Variants in SNAPC3 observed in about 807,000 individuals in gnomAD.
SNAPC3 encodes the protein snRNA-activating protein complex subunit 3.
SNAPC3 carries 56 observed loss-of-function variants against 47.7 expected under a neutral mutation model. That is an observed-to-expected ratio of 1.18 (90% CI 0.95 to 1.47). The LOEUF (loss-of-function observed/expected upper bound fraction) is 1.47, where lower values mean the gene tolerates loss of function less well. Ranked by LOEUF, SNAPC3 falls within the 40% of genes most tolerant of loss-of-function variation. The probability of loss-of-function intolerance (pLI) is 0.00; values close to 1 mark genes in which losing one functional copy is unlikely to be tolerated. For synonymous variants in SNAPC3, 235 were observed against 189.9 expected (o/e 1.24, Z -1.95); for missense variants, 665 against 511.3 (o/e 1.30, Z -2.90).
At chr9:15,426,992 C>T (rs912856546) in intron 2 of SNAPC3, among the ~76,000 whole-genome samples, 2 of 152,158 alleles carry the variant, frequency 1.3e-5, no homozygotes, top group African/African-American at 4.8e-5. Flanking sequence ...CTGAACCTTC[C>T]TTTTCCTCAC....
intron 6 of SNAPC3, 50 bp downstream of exon 6, chr9:15,451,452 AAGT>A (rs2034380878): frequency 1.2e-6 from 1 of 837,108 alleles, no homozygotes; most frequent in African/African-American, 1.7e-5. Flanking sequence ...CTAGTTATCA[AAGT>A]AGTGTTATCT....
intron 5 of SNAPC3, among the ~76,000 whole-genome samples, chr9:15,450,027 G>A (rs2034275124): frequency 6.6e-6 from 1 of 151,876 alleles, no homozygotes; most frequent in Non-Finnish European, 1.5e-5. Flanking sequence ...ACTTCATTTT[G>A]TTTCCAAAAT....
rs776825666 is a variant in SNAPC3 at position 15,459,753 on chromosome 9, G to A, written c.1123G>A (p.Asp375Asn). The stretch of plus-strand genomic sequence containing the variant: ...GAACAATGACAGTTTTGCACCAGAG[G>A]ACCCATGCTTCTTTTGTGATGTTTG... ...VTNNDSFAPE[D>N]PCFFCDVCFR... Residue 375 changes from aspartate to asparagine, a missense_variant, in exon 9 of 9, where the codon GAC (aspartate) becomes AAC (asparagine). Physicochemically the swap from Asp to Asn is conservative, Grantham distance 23. Transcript: ENST00000380821. 8.1e-6 allele frequency: 13 copies of A among 1,613,412 alleles called. No homozygotes were observed. The highest frequency in any genetic ancestry group is 1.7e-4 in the Middle Eastern group (1 of 6,058).
chr9:15,428,152 A>T (rs1244205757), intron 2 of SNAPC3, among the ~76,000 whole-genome samples: 1 of 150,172 alleles, frequency 6.7e-6, no homozygotes, highest in East Asian at 2.0e-4. Context: ...CAGCTCTCAT[A>T]TATCTGAAGT....
chr9:15,466,478 A>G (rs1301018842), downstream of SNAPC3, among the ~76,000 whole-genome samples: 2 of 152,262 alleles, frequency 1.3e-5, no homozygotes, highest in African/African-American at 2.4e-5. Context: ...CATTACTAAC[A>G]GTATCTCAGT....
At chr9:15,439,821 A>G (rs2033164490) in intron 3 of SNAPC3, among the ~76,000 whole-genome samples, 1 of 152,250 alleles carries the variant, frequency 6.6e-6, no homozygotes, top group Non-Finnish European at 1.5e-5. Context: ...GGTGTGAGCC[A>G]CTGTGCCCAG....
intron 4 of SNAPC3, among the ~76,000 whole-genome samples, chr9:15,445,519 T>A (rs1157688175): frequency 2.0e-5 from 3 of 152,224 alleles, no homozygotes; most frequent in Non-Finnish European, 4.4e-5. Flanking sequence ...TATTCTTGAT[T>A]CCTTAAATAG....
chr9:15,466,675 C>T (rs2035647025), downstream of SNAPC3: 2 of 1,187,704 alleles, frequency 1.7e-6, no homozygotes, highest in Admixed American at 2.5e-5. Context: ...AGTAAGATAA[C>T]CTTGGAACAG....
At chr9:15,462,146 A>G (rs1233023817), downstream of SNAPC3, 1 of 152,252 alleles carries the variant, frequency 6.6e-6, no homozygotes, top group African/African-American at 2.4e-5. Context: ...ATAATGCATT[A>G]TTCCATGTGT....
chr9:15,465,519 C>A (rs776179531), downstream of SNAPC3: 1 of 1,553,058 alleles, frequency 6.4e-7, no homozygotes, highest in Non-Finnish European at 8.8e-7. Flanking sequence ...GGTATGTCAA[C>A]CTAGTTATCT....
Position 15,423,108 on chromosome 9 carries a change from G to A in SNAPC3, c.229G>A (p.Ala77Thr), listed in dbSNP as rs1225602992. 1 of 1,551,584 alleles carries A rather than the reference G, an allele frequency of 6.4e-7. No individual in the cohort carries two copies. The highest frequency in any genetic ancestry group is 1.2e-5 in the South Asian group (1 of 83,444). ...PASALPGSQA[A>T]DSDREDAAVA... is the part of the protein sequence containing the mutation. The stretch of plus-strand genomic sequence containing the variant: ...ATCCGCTCTGCCTGGGAGCCAGGCA[G>A]CTGACTCCGACCGGGAGGATGCCGC... Residue 77 changes from alanine to threonine, a missense_variant, in exon 1 of 9, where the codon GCT becomes ACT. Coordinates refer to ENST00000380821, the MANE Select transcript of SNAPC3 (RefSeq NM_001039697.2).
At chr9:15,433,448 A>AAT (rs2032415291) in intron 2 of SNAPC3, 104 bp from the exon 3 acceptor site, 2 of 761,200 alleles carry the variant, frequency 2.6e-6, no homozygotes, top group African/African-American at 3.5e-5. Context: ...TTTGCTACTT[A>AAT]AAATTAGTTC....
chr9:15,447,392 C>T (rs1388058744), intron 5 of SNAPC3, 148 bp downstream of exon 5: 3 of 711,756 alleles, frequency 4.2e-6, no homozygotes, highest in Admixed American at 5.0e-5. Context: ...TTCCCTTTAT[C>T]ACCGGAACTT....
chr9:15,422,886 G>A lies in SNAPC3; in HGVS notation c.7G>A (p.Glu3Lys). The stretch of plus-strand genomic sequence containing the variant: ...GGGAAGGAGTGGGGCGAACATGGCT[G>A]AAGGAAGCCGAGGTGGCCCTACGTG... The part of the protein sequence containing the change: MA[E>K]GSRGGPTCSG... Residue 3 changes from glutamate (E) to lysine (K), a missense_variant, in exon 1 of 9, where the codon GAA (glutamate) becomes AAA (lysine). Coordinates refer to ENST00000380821, the MANE Select transcript of SNAPC3 (RefSeq NM_001039697.2). 1 of 1,535,584 alleles carries A rather than the reference G, an allele frequency of 6.5e-7. No homozygotes were observed. The highest frequency in any genetic ancestry group is 2.6e-5 in the East Asian group (1 of 39,064).
intron 5 of SNAPC3, among the ~76,000 whole-genome samples, chr9:15,449,783 C>T (rs185528210): frequency 4.1e-3 from 619 of 151,640 alleles, no homozygotes; most frequent in African/African-American, 0.013. Flanking sequence ...GTTGGTCAGG[C>T]TGGTCTTGAA....
chr9:15,439,258 A>G (rs1161619038), intron 3 of SNAPC3, among the ~76,000 whole-genome samples: 2 of 152,178 alleles, frequency 1.3e-5, no homozygotes, highest in African/African-American at 4.8e-5. Context: ...CAATCTGCCC[A>G]CCTTGGTCTC....
chr9:15,454,740 A>G (rs2034644029), intron 7 of SNAPC3, among the ~76,000 whole-genome samples: 1 of 152,124 alleles, frequency 6.6e-6, no homozygotes, highest in Non-Finnish European at 1.5e-5. Context: ...GATCGAGACC[A>G]TGCTGGCTAA....
intron 8 of SNAPC3, among the ~76,000 whole-genome samples, chr9:15,459,054 CCCA>C (rs1434988568): frequency 2.6e-5 from 4 of 151,984 alleles, no homozygotes; most frequent in African/African-American, 7.3e-5. Flanking sequence ...TTTTCGCCAC[CCCA>C]CCACAATATT....
rs1371070821 is a variant in SNAPC3, at chr9:15,457,994, T to C, written c.1015T>C (p.Leu339=). ...VHHDDCLDRT[L]YPLLIKKHWL... is the part of the protein sequence containing the mutation. Reference sequence around the variant, plus strand: ...TCATGATGACTGCTTGGATAGGACATTGTATCCCCTCCTTATCAAGAAGCA... The same window carrying C: ...TCATGATGACTGCTTGGATAGGACACTGTATCCCCTCCTTATCAAGAAGCA... The change falls in exon 8 of 9, where the codon TTG becomes CTG. Residue 339 remains leucine (L), a synonymous_variant. Transcript: ENST00000380821. 1 of 1,596,316 alleles carries C rather than the reference T, an allele frequency of 6.3e-7. No individual in the cohort carries two copies. Among genetic ancestry groups the C allele is most frequent in the South Asian group, 1.2e-5 (1 of 86,948 alleles).
Sources: gnomAD v4.1 joint callset for allele counts (sites outside exome capture counted in the v4.1 genomes callset) on GRCh38, gnomAD v4.1.1 for gene constraint, MANE v1.5 for transcripts, NCBI Gene and HGNC (gene_info 2026-07-23, HGNC 2026-07-21) for gene names.